LENG8: variants seen among roughly 807,000 people sequenced by gnomAD.
LENG8 encodes the protein leukocyte receptor cluster (LRC) member 8.
LENG8 carries 28 observed loss-of-function variants against 102.1 expected under a neutral mutation model. The ratio of observed to expected loss-of-function variants is 0.27; its 90% CI spans 0.20 to 0.38. The LOEUF (loss-of-function observed/expected upper bound fraction) is 0.38, where lower values mean the gene tolerates loss of function less well. Ranked by LOEUF, LENG8 falls within the 10% of genes least tolerant of loss-of-function variation. LENG8 has a pLI of 1.00. For missense variants in LENG8, 1,022 were observed against 1,113.9 expected, an observed-to-expected ratio of 0.92 and a Z score of 1.17; for synonymous variants, 531 against 456.7, an observed-to-expected ratio of 1.16 and a Z score of -2.07.
At chr19:54,457,724 G>A in intron 11 of LENG8, 23 bp from the exon 12 acceptor site, 2 of 1,555,728 alleles carry the variant, frequency 1.3e-6, no homozygotes, top group Non-Finnish European at 1.8e-6. Context: ...TACTCCGAGT[G>A]TGAATTCAGT....
In LENG8 at chr19:54,456,840, C is replaced by A. The variant is rs761941097; in HGVS notation, c.1650C>A (p.Ile550=). ...GADPDWQELQ[I]VGTCPDITKH... Reference sequence around the variant, plus strand: ...ACCCTGACTGGCAGGAGCTGCAGATCGTGGGCACCTGCCCTGACATCACCA... The same window carrying A: ...ACCCTGACTGGCAGGAGCTGCAGATAGTGGGCACCTGCCCTGACATCACCA... Residue 550 remains isoleucine (I), a synonymous_variant, in exon 11 of 16, where the codon ATC becomes ATA. Coordinates refer to ENST00000326764, the MANE Select transcript of LENG8 (RefSeq NM_052925.4). The A allele has an allele frequency of 1.9e-6, 3 of 1,611,034 alleles. No homozygotes were observed. The highest frequency in any genetic ancestry group is 3.3e-5 in the Admixed American group (2 of 59,970).
rs776725684 is a variant in LENG8 at position 54,460,929 on chromosome 19, G to C, written c.*1G>C. On this transcript the variant is annotated 3_prime_UTR_variant, in exon 16 of 16. Coordinates refer to ENST00000326764, the MANE Select transcript of LENG8 (RefSeq NM_052925.4). ...CCTGGCGCAGCTGTCAGCCTTCTGAGCACCCAGCGAGGAGGGGCGGGGGCA... is the reference window on the plus strand; with the variant it reads ...CCTGGCGCAGCTGTCAGCCTTCTGACCACCCAGCGAGGAGGGGCGGGGGCA... 5.2e-6 allele frequency: 8 copies of C among 1,545,464 alleles called. No homozygotes were observed. Among genetic ancestry groups the C allele is most frequent in the Non-Finnish European group, 7.0e-6 (8 of 1,148,158 alleles).
At chr19:54,457,063 G>A (rs2084288565) in intron 11 of LENG8, 142 bp downstream of exon 11, 4 of 1,008,532 alleles carry the variant, frequency 4.0e-6, no homozygotes, top group Admixed American at 2.9e-5. Context: ...TCGGCTGGTC[G>A]GCATTCTGAG....
Position 54,454,554 on chromosome 19 carries a change from A to T in LENG8, c.551A>T (p.Gln184Leu). The change falls in exon 6 of 16, where the codon CAG (glutamine) becomes CTG (leucine). Residue 184 changes from glutamine (Q) to leucine (L), a missense_variant. By Grantham distance (113) the Gln-to-Leu change is moderately radical (BLOSUM62 -2). Coordinates refer to ENST00000326764, the MANE Select transcript of LENG8 (RefSeq NM_052925.4). ...GCTCACACGCTGAACAGTGGCCCTC[A>T]GCCTGGGACAGCTCCAGCCACACAG... ...HGAHTLNSGP[Q>L]PGTAPATQHS... 1 of 1,612,870 alleles carries T rather than the reference A, an allele frequency of 6.2e-7. No homozygotes were observed.
intron 6 of LENG8, 86 bp from the exon 7 acceptor site, chr19:54,454,865 C>G (rs1007186886): frequency 6.4e-7 from 1 of 1,559,214 alleles, no homozygotes. Flanking sequence ...GAGCGCTCCT[C>G]CCTGCATTTC....
chr19:54,456,146 G>A lies in LENG8; in HGVS notation c.1205G>A (p.Gly402Asp), dbSNP rs111829747. Residue 402 changes from glycine to aspartate, a missense_variant, in exon 9 of 16, where the codon GGC becomes GAC. By Grantham distance (94) the Gly-to-Asp change is moderately conservative. Transcript: ENST00000326764. ...CGGGGCAACAGCTTCACCAAGTTTGGCAACCGCAACGTCTTCATGAAGGAC... is the reference window on the plus strand; with the variant it reads ...CGGGGCAACAGCTTCACCAAGTTTGACAACCGCAACGTCTTCATGAAGGAC... ...RARGNSFTKF[G>D]NRNVFMKDNS... The A allele has an allele frequency of 1.2e-6, 2 of 1,610,804 alleles. No homozygotes were observed. The highest frequency in any genetic ancestry group is 1.7e-6 in the Non-Finnish European group (2 of 1,177,814).
At position 54,456,762 on chromosome 19, in the gene LENG8, G is replaced by C; in HGVS notation, c.1572G>C (p.Leu524=). 1 of 1,611,512 alleles carries C rather than the reference G, an allele frequency of 6.2e-7. No individual in the cohort carries two copies. Among genetic ancestry groups the C allele is most frequent in the Non-Finnish European group, 8.5e-7 (1 of 1,179,402 alleles). ...ARFQHGHSRR[L]RLEPLVLQMS... ...TCCAGCACGGACACTCCCGCCGCCT[G>C]CGCCTCGAGCCCCTGGTGCTGCAGA... Residue 524 remains leucine, a synonymous_variant, in exon 11 of 16, where the codon CTG becomes CTC. Transcript: ENST00000326764.
Position 54,452,246 on chromosome 19 carries a change from T to C in LENG8, c.192T>C (p.Asn64=). ...AAGGSAKSSS[N]GPVASAQYVS... ...GCGGCTCTGCCAAGTCCAGCAGCAA[T>C]GGGCCTGTGGCCAGTGCACAGGTGA... The change falls in exon 3 of 16, where the codon AAT becomes AAC. Residue 64 remains asparagine, a synonymous_variant. Coordinates refer to ENST00000326764, the MANE Select transcript of LENG8 (RefSeq NM_052925.4). 6.2e-7 allele frequency: 1 copy of C among 1,612,986 alleles called. No homozygotes were observed. The highest frequency in any genetic ancestry group is 8.5e-7 in the Non-Finnish European group (1 of 1,179,512).
In LENG8 at chr19:54,461,304, G is replaced by A. The variant is rs1395193286; in HGVS notation, c.*376G>A. 7 of 465,602 alleles carry A rather than the reference G, an allele frequency of 1.5e-5. No individual in the cohort carries two copies. In the East Asian group the frequency reaches 4.3e-4, roughly 29 times the overall value. The allele number at this position is 465,602 out of a possible 1,614,324, so 28.8% of individuals were successfully genotyped here. On this transcript the variant is annotated 3_prime_UTR_variant, in exon 16 of 16. Coordinates refer to ENST00000326764, the MANE Select transcript of LENG8 (RefSeq NM_052925.4). ...TGGCCCATCCCATGCCGGGGGGCCA[G>A]TGGAAAGAAGACAGGCCGTCCAGCC... is the stretch of plus-strand genomic sequence containing the variant.
intron 15 of LENG8, chr19:54,460,519 C>T: frequency 1.4e-6 from 2 of 1,389,680 alleles, no homozygotes; most frequent in African/African-American, 1.5e-5. Flanking sequence ...CTGCCCGTCC[C>T]CGCTCCTCCC....
At chr19:54,450,989 C>T (rs1177674772) in intron 1 of LENG8, among the ~76,000 whole-genome samples, 1 of 152,142 alleles carries the variant, frequency 6.6e-6, no homozygotes, top group East Asian at 1.9e-4. Flanking sequence ...TCATCACAGC[C>T]TCTCTTTGCT....
chr19:54,458,824 C>G, intron 15 of LENG8: 1 of 1,551,026 alleles, frequency 6.4e-7, no homozygotes, highest in South Asian at 1.2e-5. Context: ...CTGCCTGGAC[C>G]CCCTAGTTCA....
chr19:54,454,881 C>T (rs375387949), intron 6 of LENG8, 70 bp from the exon 7 acceptor site: 1 of 1,591,922 alleles, frequency 6.3e-7, no homozygotes, highest in Non-Finnish European at 8.6e-7. Context: ...ATTTCCACTT[C>T]CTCCCGTCCC....
chr19:54,460,719 G>GGGGCGCC, intron 15 of LENG8, 47 bp from the exon 16 acceptor site: 1 of 778,912 alleles, frequency 1.3e-6, no homozygotes, highest in Non-Finnish European at 1.8e-6. Flanking sequence ...GCCCTCCCCT[G>GGGGCGCC]CCCTCCCGCC....
Position 54,455,133 on chromosome 19 carries a change from G to A in LENG8, c.821+41G>A, listed in dbSNP as rs764635504. ...TTGCCCCGTCGCAGCCCCACACTCT[G>A]CACTCAGCGTCTATGGTCCAGTCCC... On this transcript the variant is annotated intron_variant, in intron 7 of 15. Coordinates refer to ENST00000326764, the MANE Select transcript of LENG8 (RefSeq NM_052925.4). 12 of 1,612,322 alleles carry A rather than the reference G, an allele frequency of 7.4e-6. No homozygotes were observed. The Admixed American group carries it at 1.8e-4, about 25-fold the overall frequency.
rs1413424585 is a variant in LENG8, at chr19:54,456,704, G to A, written c.1514G>A (p.Arg505Gln). 6 of 1,613,174 alleles carry A rather than the reference G, an allele frequency of 3.7e-6. No homozygotes were observed. Among genetic ancestry groups the A allele is most frequent in the African/African-American group, 1.3e-5 (1 of 74,902 alleles). Residue 505 changes from arginine to glutamine, a missense_variant, in exon 11 of 16, where the codon CGA becomes CAA. By Grantham distance (43) the Arg-to-Gln change is conservative. Coordinates refer to ENST00000326764, the MANE Select transcript of LENG8 (RefSeq NM_052925.4). ...MAALECEDPERELKKQKRAAR... is the reference protein window; with the variant it reads ...MAALECEDPEQELKKQKRAAR... ...GCGCTGGAGTGTGAGGACCCGGAGC[G>A]AGAGCTGAAGAAGCAGAAGCGGGCA...
At position 54,453,528 on chromosome 19, in the gene LENG8, C is replaced by G. The variant is rs1284988613; in HGVS notation, c.316-18C>G. 1.9e-6 allele frequency: 3 copies of G among 1,585,106 alleles called. No homozygotes were observed. In the South Asian group the frequency reaches 3.3e-5, roughly 18 times the overall value. On this transcript the variant is annotated intron_variant, in intron 4 of 15. Transcript: ENST00000326764. ...GGGTAGGCCTCCCACTAAACCCTCC[C>G]TCCCTGCGCCTTTGCAGAGCATGTA...
chr19:54,460,066 T>C, intron 15 of LENG8: 1 of 1,289,368 alleles, frequency 7.8e-7, no homozygotes, highest in Non-Finnish European at 1.0e-6. Flanking sequence ...AGGCTGACCC[T>C]GCCCTGCCAG....
At position 54,461,552 on chromosome 19, in the gene LENG8, C is replaced by T. The variant is rs1422055321; in HGVS notation, c.*624C>T. The T allele has an allele frequency of 1.5e-5, 7 of 471,892 alleles. No individual in the cohort carries two copies. Among genetic ancestry groups the T allele is most frequent in the East Asian group, 1.4e-4 (2 of 14,434 alleles). The allele number at this position is 471,892 out of a possible 1,614,324, so 29.2% of individuals were successfully genotyped here. ...CGCACTGAGGACACGCCGGCCGGGC[C>T]GCCTCGTCTCAAGTTGTATAAAGTT... On this transcript the variant is annotated 3_prime_UTR_variant, in exon 16 of 16. Transcript: ENST00000326764.
Sources: gnomAD v4.1 joint callset for allele counts (sites outside exome capture counted in the v4.1 genomes callset) on GRCh38, gnomAD v4.1.1 for gene constraint, MANE v1.5 for transcripts, NCBI Gene and HGNC (gene_info 2026-07-23, HGNC 2026-07-21) for gene names.